The following GPRIN3 variants were observed in gnomAD, a reference collection of about 807,000 sequenced individuals.
GPRIN3 encodes GPRIN family member 3.
A neutral mutation model predicts 13.7 loss-of-function variants in GPRIN3; 12 were observed. That is an observed-to-expected ratio of 0.87 (90% CI 0.56 to 1.42). The LOEUF is 1.42. Among genes scored for constraint, GPRIN3 ranks in the 40% most tolerant of loss-of-function variants. The pLI is 0.00. For missense variants in GPRIN3, 1,009 were observed against 958.7 expected, an observed-to-expected ratio of 1.05 and a Z score of -0.69; for synonymous variants, 377 against 372.7, an observed-to-expected ratio of 1.01 and a Z score of -0.13.
Position 89,246,919 on chromosome 4 carries a change from C to A in GPRIN3, c.*861G>T, listed in dbSNP as rs1471222959. ...TCACTGGAGAACACCTGCACAGTAT[C>A]AATTTAGTATTATCCCTAATTTGAT... On this transcript the variant is annotated 3_prime_UTR_variant, in exon 2 of 2. Transcript: ENST00000609438. 6.6e-6 allele frequency: 1 copy of A among 152,172 alleles called. No homozygotes were observed. The highest frequency in any genetic ancestry group is 6.5e-5 in the Admixed American group (1 of 15,278). 9.4% of individuals were successfully genotyped at this position (152,172 alleles called of 1,614,324 possible).
chr4:89,280,446 C>G (rs1724215965), intron 1 of GPRIN3, among the ~76,000 whole-genome samples: 1 of 152,086 alleles, frequency 6.6e-6, no homozygotes, highest in African/African-American at 2.4e-5. Flanking sequence ...GCTTCTGTTG[C>G]CTCTTAAGCT....
chr4:89,283,115 T>C (rs904937342), intron 1 of GPRIN3, among the ~76,000 whole-genome samples: 1 of 152,238 alleles, frequency 6.6e-6, no homozygotes, highest in Non-Finnish European at 1.5e-5. Context: ...TTGAGGGCTA[T>C]GAGAGGAAGT....
At chr4:89,263,736 C>A (rs977381026) in intron 1 of GPRIN3, among the ~76,000 whole-genome samples, 3 of 152,220 alleles carry the variant, frequency 2.0e-5, no homozygotes, top group African/African-American at 7.2e-5. Flanking sequence ...TGAAAACAAG[C>A]TTCAAAAAAG....
At chr4:89,276,255 CTTAT>C (rs756624774) in intron 1 of GPRIN3, among the ~76,000 whole-genome samples, 3 of 152,080 alleles carry the variant, frequency 2.0e-5, no homozygotes, top group African/African-American at 4.8e-5. Flanking sequence ...TACTTCTCTT[CTTAT>C]TTATTTTACA....
rs1213061245 is a variant in GPRIN3 at position 89,243,809 on chromosome 4, C to T, written c.*3971G>A. On this transcript the variant is annotated 3_prime_UTR_variant, in exon 2 of 2. Coordinates refer to ENST00000609438, the MANE Select transcript of GPRIN3 (RefSeq NM_198281.3). ...AAAACACATATACATATATGCAAACCTTATCCTAATGTATTGTTTTTCTTT... is the reference window on the plus strand; with the variant it reads ...AAAACACATATACATATATGCAAACTTTATCCTAATGTATTGTTTTTCTTT... The T allele has an allele frequency of 6.6e-6, 1 of 152,170 alleles. No homozygotes were observed. The highest frequency in any genetic ancestry group is 2.4e-5 in the African/African-American group (1 of 41,444). 9.4% of individuals were successfully genotyped at this position (152,170 alleles called of 1,614,324 possible).
chr4:89,249,928 AG>A lies in GPRIN3; in HGVS notation c.182del (p.Ala61ValfsTer5). 6.2e-7 allele frequency: 1 copy of A among 1,614,216 alleles called. No individual in the cohort carries two copies. The highest frequency in any genetic ancestry group is 8.5e-7 in the Non-Finnish European group (1 of 1,180,020). On this transcript the variant is annotated frameshift_variant, in exon 2 of 2. Transcript: ENST00000609438. LOFTEE classifies it low-confidence loss of function (END_TRUNC). ...PAEPDLSPRA[A>X]AEALMQVCEH... is the part of the protein sequence containing the mutation. ...CACAAACCTGCATCAGGGCTTCGGC[AG>A]CTGCCCTGGGGCTGAGGTCTGGTTC...
chr4:89,242,695 C>T lies in GPRIN3; in HGVS notation c.*5085G>A, dbSNP rs914960936. ...TATAATGGTGTGCCCATAATAGATG[C>T]ATTTGCTGGTATAACTGCCTCTTTT... On this transcript the variant is annotated 3_prime_UTR_variant, in exon 2 of 2. Transcript: ENST00000609438. The T allele has an allele frequency of 2.0e-5, 3 of 152,148 alleles. No individual in the cohort carries two copies. The highest frequency in any genetic ancestry group is 1.3e-4 in the Admixed American group (2 of 15,276). 9.4% of individuals were successfully genotyped at this position (152,148 alleles called of 1,614,324 possible). A position where few individuals can be genotyped will look rare whatever the true frequency, so the allele number is the denominator to read the frequency against.
chr4:89,236,528 T>A lies in GPRIN3; in HGVS notation c.*11252A>T, dbSNP rs936250180. 2.6e-5 allele frequency: 4 copies of A among 152,200 alleles called. No individual in the cohort carries two copies. Among genetic ancestry groups the A allele is most frequent in the Admixed American group, 2.0e-4 (3 of 15,282 alleles). The allele number at this position is 152,200 out of a possible 1,614,324, so 9.4% of individuals were successfully genotyped here. On this transcript the variant is annotated 3_prime_UTR_variant, in exon 2 of 2. Transcript: ENST00000609438. ...GAAGAAAAGAACAATATTTTGCCTATGCCATTTAATTCCCACAAATTTGCA... is the reference window on the plus strand; with the variant it reads ...GAAGAAAAGAACAATATTTTGCCTAAGCCATTTAATTCCCACAAATTTGCA...
At position 89,297,329 on chromosome 4, in the gene GPRIN3, T is replaced by G. The variant is rs193255667; in HGVS notation, c.-124+10286A>C. 2.7e-3 allele frequency among the ~76,000 whole-genome samples: 415 copies of G among 152,304 alleles called. 3 individuals carry two copies. The highest frequency in any genetic ancestry group is 4.6e-3 in the Non-Finnish European group (312 of 68,026). ...AAGTAGATGGATATATATGGAGACA[T>G]GTATTAGGGTTCTCTTATGCTCTAG... On this transcript the variant is annotated intron_variant, in intron 1 of 1. Transcript: ENST00000609438.
intron 1 of GPRIN3, among the ~76,000 whole-genome samples, chr4:89,295,842 T>A (rs1271136123): frequency 6.6e-6 from 1 of 152,030 alleles, no homozygotes; most frequent in Non-Finnish European, 1.5e-5. Context: ...TCTAAACCAT[T>A]TTTTTTAACT....
chr4:89,290,372 TC>T (rs1274711794), intron 1 of GPRIN3, among the ~76,000 whole-genome samples: 2 of 152,062 alleles, frequency 1.3e-5, no homozygotes, highest in African/African-American at 4.8e-5. Flanking sequence ...TGCTGACTGT[TC>T]TTTCTTTTAT....
intron 1 of GPRIN3, among the ~76,000 whole-genome samples, chr4:89,302,037 T>C (rs1724911533): frequency 6.6e-6 from 1 of 152,234 alleles, no homozygotes; most frequent in African/African-American, 2.4e-5. Context: ...AAATGGAATC[T>C]GGTGTGTAAG....
At chr4:89,270,341 CA>C in intron 1 of GPRIN3, among the ~76,000 whole-genome samples, 1 of 149,632 alleles carries the variant, frequency 6.7e-6, no homozygotes, top group East Asian at 2.1e-4. Context: ...AACAAACAAA[CA>C]AAAAAACAAC....
chr4:89,254,495 C>T (rs1057392039), intron 1 of GPRIN3, among the ~76,000 whole-genome samples: 1 of 152,144 alleles, frequency 6.6e-6, no homozygotes, highest in Non-Finnish European at 1.5e-5. Context: ...TCTGTTGCTG[C>T]ATTAGTTTGC....
intron 1 of GPRIN3, among the ~76,000 whole-genome samples, chr4:89,257,703 T>A (rs1204260372): frequency 1.3e-5 from 2 of 152,144 alleles, no homozygotes; most frequent in Admixed American, 6.5e-5. Flanking sequence ...CTTTTAATTT[T>A]TATTTTTTGT....
chr4:89,258,450 C>T (rs1006138245), intron 1 of GPRIN3, among the ~76,000 whole-genome samples: 2 of 152,066 alleles, frequency 1.3e-5, no homozygotes, highest in Non-Finnish European at 2.9e-5. Flanking sequence ...CTCCTGACCT[C>T]GTGATCCACT....
intron 1 of GPRIN3, among the ~76,000 whole-genome samples, chr4:89,252,915 T>C (rs772545997): frequency 6.0e-5 from 9 of 149,554 alleles, no homozygotes; most frequent in Non-Finnish European, 1.2e-4. Context: ...CTCCTCATCC[T>C]CAAAAAGCCT....
At chr4:89,294,171 G>A (rs1724668530) in intron 1 of GPRIN3, among the ~76,000 whole-genome samples, 2 of 152,214 alleles carry the variant, frequency 1.3e-5, no homozygotes, top group Non-Finnish European at 1.5e-5. Context: ...GACTACTTGA[G>A]TGAATTAGCT....
At chr4:89,257,757 T>G (rs893919696) in intron 1 of GPRIN3, among the ~76,000 whole-genome samples, 3 of 152,080 alleles carry the variant, frequency 2.0e-5, no homozygotes, top group African/African-American at 7.2e-5. Context: ...CATCAGACAG[T>G]AAGAACAGTA....
Sources: allele counts gnomAD v4.1 joint callset (sites outside exome capture counted in the v4.1 genomes callset), GRCh38; gene constraint gnomAD v4.1.1; transcripts MANE v1.5; gene names NCBI Gene and HGNC (gene_info 2026-07-23, HGNC 2026-07-21).